The following LAMA4 variants were observed in gnomAD, a reference collection of about 807,000 sequenced individuals.
LAMA4 encodes laminin subunit alpha 4.
In LAMA4, 127 loss-of-function variants were observed where a neutral mutation model predicts 207.1. The observed-to-expected ratio is 0.61, with a 90% confidence interval of 0.53 to 0.71. The LOEUF is 0.71. Ranked by LOEUF, LAMA4 falls within the 30% of genes least tolerant of loss-of-function variation. The pLI is 0.00. For missense variants in LAMA4, 2,093 were observed against 2,246.5 expected (o/e 0.93, Z 1.38); for synonymous variants, 761 against 816.0 (o/e 0.93, Z 1.15).
intron 22 of LAMA4, 110 bp from the exon 23 acceptor site, chr6:112,139,995 G>T: frequency 9.2e-7 from 1 of 1,081,838 alleles, no homozygotes; most frequent in Non-Finnish European, 1.4e-6. Context: ...CCCCTTTGTG[G>T]AAATATCTTT....
At chr6:112,172,852 CTTCCA>C (rs1554342456) in intron 11 of LAMA4, 48 bp from the exon 12 acceptor site, 1 of 1,513,406 alleles carries the variant, frequency 6.6e-7, no homozygotes, top group Non-Finnish European at 9.1e-7. Context: ...CTCCTGTTCG[CTTCCA>C]TTCCTCCCAG....
intron 20 of LAMA4, among the ~76,000 whole-genome samples, chr6:112,141,742 G>C (rs1222916258): frequency 6.6e-6 from 1 of 152,152 alleles, no homozygotes; most frequent in Non-Finnish European, 1.5e-5. Flanking sequence ...TGGCTGCCAG[G>C]AATGGGCTAA....
chr6:112,226,694 C>A (rs1785233641), intron 2 of LAMA4, among the ~76,000 whole-genome samples: 1 of 152,178 alleles, frequency 6.6e-6, no homozygotes, highest in Non-Finnish European at 1.5e-5. Flanking sequence ...CAAAAATATG[C>A]TAGCAGAAAA....
intron 35 of LAMA4, among the ~76,000 whole-genome samples, chr6:112,116,573 T>G (rs1778031076): frequency 6.6e-6 from 1 of 152,230 alleles, no homozygotes; most frequent in African/African-American, 2.4e-5. Context: ...GTGCCAGTGT[T>G]GTACAGCATT....
chr6:112,190,947 C>CCTTCCTTTCTTTCTTTCTTTCTTTCTTT (rs1783059483), intron 6 of LAMA4, among the ~76,000 whole-genome samples: 1 of 40,472 alleles, frequency 2.5e-5, no homozygotes, highest in African/African-American at 1.1e-4. Flanking sequence ...TTCTTTCTTT[C>CCTTCCTTTCTTTCTTTCTTTCTTTCTTT]CTTTCTTTCT....
rs2114703717 is a variant in LAMA4, at chr6:112,141,406, T to C, written c.2765A>G (p.Lys922Arg). ...TKDVEIPLDS[K>R]PVSSWPAYFS... Reference sequence around the variant, plus strand: ...GTAAGCAGGCCAGGAACTGACGGGCTTGGAGTCCAGGGGAATCTCCACATC... The same window carrying C: ...GTAAGCAGGCCAGGAACTGACGGGCCTGGAGTCCAGGGGAATCTCCACATC... The change falls in exon 21 of 39, where the codon AAG becomes AGG. Residue 922 changes from lysine (K) to arginine (R), a missense_variant. Lys to Arg is a conservative substitution (Grantham distance 26, BLOSUM62 2). Coordinates refer to ENST00000230538, the MANE Select transcript of LAMA4 (RefSeq NM_001105206.3). 3.1e-6 allele frequency: 5 copies of C among 1,614,100 alleles called. No individual in the cohort carries two copies. The highest frequency in any genetic ancestry group is 4.2e-6 in the Non-Finnish European group (5 of 1,179,934).
At chr6:112,173,240 G>A (rs1781829039) in intron 11 of LAMA4, among the ~76,000 whole-genome samples, 1 of 152,128 alleles carries the variant, frequency 6.6e-6, no homozygotes. Context: ...CTAGGCAACT[G>A]TTTTTAGTTA....
chr6:112,211,548 G>A (rs1045282017), intron 3 of LAMA4, among the ~76,000 whole-genome samples: 1 of 152,200 alleles, frequency 6.6e-6, no homozygotes, highest in Non-Finnish European at 1.5e-5. Context: ...GAAGAAAAGA[G>A]ACAGGTCAAC....
chr6:112,244,579 C>T (rs1221305709), intron 2 of LAMA4, among the ~76,000 whole-genome samples: 11 of 152,174 alleles, frequency 7.2e-5, no homozygotes, highest in Admixed American at 7.2e-4. Context: ...TTCTTGAGTT[C>T]CTCCCTGTGT....
chr6:112,231,097 C>A lies in LAMA4; in HGVS notation c.196-14628G>T, dbSNP rs376623012. On this transcript the variant is annotated intron_variant, in intron 2 of 38. Coordinates refer to ENST00000230538, the MANE Select transcript of LAMA4 (RefSeq NM_001105206.3). ...CTGCAAACAAACTTATGCTGTCCAT[C>A]TCTGCCTTTCCCTGGAATACCCGGG... Among the ~76,000 whole-genome samples, 9 of 152,344 alleles carry A rather than the reference C, an allele frequency of 5.9e-5. No individual in the cohort carries two copies. The East Asian group carries it at 1.5e-3, about 26-fold the overall frequency.
intron 31 of LAMA4, among the ~76,000 whole-genome samples, chr6:112,123,209 A>G (rs1372746011): frequency 1.3e-5 from 2 of 152,180 alleles, no homozygotes; most frequent in African/African-American, 2.4e-5. Flanking sequence ...GGAAGGCCTG[A>G]TAGAAGAGGA....
At position 112,118,050 on chromosome 6, in the gene LAMA4, G is replaced by C. The variant is rs1237023544; in HGVS notation, c.4822-152C>G. The C allele has an allele frequency of 1.5e-6, 1 of 679,928 alleles. No homozygotes were observed. The highest frequency in any genetic ancestry group is 2.8e-5 in the East Asian group (1 of 35,522). The allele number at this position is 679,928 out of a possible 1,614,324, so 42.1% of individuals were successfully genotyped here. Reference sequence around the variant, plus strand: ...TGAATGATCAGTACTTTCCTGGATAGTTGCTTTCTAACTGGTTGTTTGAAG... The same window carrying C: ...TGAATGATCAGTACTTTCCTGGATACTTGCTTTCTAACTGGTTGTTTGAAG... On this transcript the variant is annotated intron_variant, in intron 34 of 38. Coordinates refer to ENST00000230538, the MANE Select transcript of LAMA4 (RefSeq NM_001105206.3). The surrounding 1 kb of genome is among the most constrained non-coding windows in gnomAD (Gnocchi z 4.6).
At position 112,117,622 on chromosome 6, in the gene LAMA4, A is replaced by C. The variant is rs1189907944; in HGVS notation, c.4981+117T>G. On this transcript the variant is annotated intron_variant, in intron 35 of 38. Coordinates refer to ENST00000230538, the MANE Select transcript of LAMA4 (RefSeq NM_001105206.3). The surrounding 1 kb of genome is among the most constrained non-coding windows in gnomAD (Gnocchi z 4.5). ...AAGGTGGTTCTTGTGGGAAGAGGTC[A>C]TCTTCTAGGGCTGAGTTTGGCATTC... 8 of 1,002,052 alleles carry C rather than the reference A, an allele frequency of 8.0e-6. No homozygotes were observed. Among genetic ancestry groups the C allele is most frequent in the Non-Finnish European group, 1.3e-5 (8 of 637,670 alleles). 62.1% of individuals were successfully genotyped at this position (1,002,052 alleles called of 1,614,324 possible). A position where few individuals can be genotyped will look rare whatever the true frequency, so the allele number is the denominator to read the frequency against.
intron 25 of LAMA4, chr6:112,135,776 A>G: frequency 4.8e-6 from 1 of 209,100 alleles, no homozygotes. Flanking sequence ...AAGCAAAAAA[A>G]GGCTGTGTAT....
intron 3 of LAMA4, among the ~76,000 whole-genome samples, chr6:112,212,515 T>A (rs1037043321): frequency 6.6e-6 from 1 of 152,112 alleles, no homozygotes; most frequent in Non-Finnish European, 1.5e-5. Flanking sequence ...TGAGCCACCG[T>A]GCCCGGCCAG....
intron 8 of LAMA4, among the ~76,000 whole-genome samples, chr6:112,185,833 G>A (rs1250423747): frequency 2.6e-5 from 4 of 152,092 alleles, no homozygotes; most frequent in Non-Finnish European, 4.4e-5. Context: ...GTCTAAATGC[G>A]GCTTTACTGA....
intron 5 of LAMA4, 92 bp from the exon 6 acceptor site, chr6:112,191,942 T>A: frequency 9.9e-7 from 1 of 1,014,598 alleles, no homozygotes; most frequent in Non-Finnish European, 1.5e-6. Flanking sequence ...ATGTAGTGGA[T>A]ATTTATTGAT....
intron 5 of LAMA4, among the ~76,000 whole-genome samples, chr6:112,193,695 C>G (rs369674218): frequency 3.1e-4 from 47 of 152,256 alleles, no homozygotes; most frequent in African/African-American, 1.1e-3. Context: ...GCCACACAGG[C>G]CTGGCATTCT....
intron 12 of LAMA4, among the ~76,000 whole-genome samples, chr6:112,170,214 G>A (rs1781632008): frequency 6.6e-6 from 1 of 152,164 alleles, no homozygotes; most frequent in East Asian, 1.9e-4. Context: ...TTAATAATAG[G>A]TCTTGCTTTT....
Sources: allele counts gnomAD v4.1 joint callset (sites outside exome capture counted in the v4.1 genomes callset), GRCh38; gene constraint gnomAD v4.1.1; non-coding constraint Gnocchi (gnomAD v3.1); transcripts MANE v1.5; gene names NCBI Gene and HGNC (gene_info 2026-07-23, HGNC 2026-07-21).